PDE8A: variants seen among roughly 807,000 people sequenced by gnomAD.
PDE8A encodes high affinity cAMP-specific and IBMX-insensitive 3',5'-cyclic phosphodiesterase 8A.
PDE8A carries 59 observed loss-of-function variants against 105.0 expected under a neutral mutation model. The ratio of observed to expected loss-of-function variants is 0.56; its 90% confidence interval spans 0.46 to 0.70. PDE8A has a LOEUF of 0.70. Among genes scored for constraint, PDE8A ranks in the 30% least tolerant of loss-of-function variants. The pLI is 0.00. For missense variants in PDE8A, 1,014 were observed against 1,045.9 expected, an observed-to-expected ratio of 0.97 and a Z score of 0.42; for synonymous variants, 355 against 371.9, an observed-to-expected ratio of 0.95 and a Z score of 0.52.
At chr15:85,001,320 A>G (rs2080063758) in intron 1 of PDE8A, among the ~76,000 whole-genome samples, 1 of 152,212 alleles carries the variant, frequency 6.6e-6, no homozygotes, top group South Asian at 2.1e-4. Context: ...AAAAGATTTT[A>G]TGTCTGGAAA....
At chr15:85,015,224 A>G (rs937534500) in intron 1 of PDE8A, among the ~76,000 whole-genome samples, 1 of 147,232 alleles carries the variant, frequency 6.8e-6, no homozygotes, top group African/African-American at 2.5e-5. Context: ...CTACATTATT[A>G]TATGACCTTG....
chr15:85,070,807 G>A (rs1183742790), intron 3 of PDE8A, among the ~76,000 whole-genome samples: 2 of 152,324 alleles, frequency 1.3e-5, no homozygotes, highest in Middle Eastern at 3.4e-3. Flanking sequence ...TTCTGCGCAG[G>A]AAAGTGTTGA....
At chr15:85,098,890 G>A (rs115060533) in intron 9 of PDE8A, among the ~76,000 whole-genome samples, 1 of 151,928 alleles carries the variant, frequency 6.6e-6, no homozygotes, top group African/African-American at 2.4e-5. Context: ...TTGGGAGGTC[G>A]AGGCTGCAGT....
At chr15:85,119,237 GGGATA>G (rs2082142188) in intron 17 of PDE8A, among the ~76,000 whole-genome samples, 3 of 151,942 alleles carry the variant, frequency 2.0e-5, no homozygotes, top group East Asian at 3.9e-4. Flanking sequence ...CCAGTACTTT[GGGATA>G]CCAAGGCAGA....
intron 12 of PDE8A, among the ~76,000 whole-genome samples, chr15:85,111,057 C>T (rs886695964): frequency 1.3e-5 from 2 of 152,052 alleles, no homozygotes; most frequent in African/African-American, 2.4e-5. Context: ...AGGTCTTTTG[C>T]CCATTTTTAT....
At position 85,113,369 on chromosome 15, in the gene PDE8A, C is replaced by T. The variant is rs1170746558; in HGVS notation, c.1115-8C>T. 2 of 1,613,574 alleles carry T rather than the reference C, an allele frequency of 1.2e-6. No homozygotes were observed. Among genetic ancestry groups the T allele is most frequent in the East Asian group, 2.2e-5 (1 of 44,888 alleles). Reference sequence around the variant, plus strand: ...CATGCCCTGATTTGTGCATCCCTTTCTCCACAGTTTCCAGCCAGAGACGAC... The same window carrying T: ...CATGCCCTGATTTGTGCATCCCTTTTTCCACAGTTTCCAGCCAGAGACGAC... On this transcript the variant is annotated splice_region_variant and splice_polypyrimidine_tract_variant and intron_variant, in intron 12 of 21. Coordinates refer to ENST00000394553, the MANE Select transcript of PDE8A (RefSeq NM_002605.3).
chr15:85,100,073 A>G lies in PDE8A; in HGVS notation c.993+7A>G, dbSNP rs1275601820. ...GTGCAATGGCAACAATAAGGTACGT[A>G]AGGAGAGCCCCCCGGGGCCCCAGGA... On this transcript the variant is annotated splice_region_variant and intron_variant, in intron 10 of 21. Coordinates refer to ENST00000394553, the MANE Select transcript of PDE8A (RefSeq NM_002605.3). 2 of 1,613,590 alleles carry G rather than the reference A, an allele frequency of 1.2e-6. No individual in the cohort carries two copies. The highest frequency in any genetic ancestry group is 8.5e-7 in the Non-Finnish European group (1 of 1,179,666).
intron 20 of PDE8A, among the ~76,000 whole-genome samples, chr15:85,128,175 A>C (rs1025729791): frequency 1.3e-5 from 2 of 152,142 alleles, no homozygotes; most frequent in East Asian, 3.8e-4. Context: ...AATATCCTCA[A>C]TGACTTGAAA....
intron 7 of PDE8A, among the ~76,000 whole-genome samples, chr15:85,089,782 T>C (rs2081612151): frequency 6.6e-6 from 1 of 152,236 alleles, no homozygotes; most frequent in Non-Finnish European, 1.5e-5. Context: ...CAAGTACAAG[T>C]CTTTCACCTT....
At chr15:85,049,942 T>C (rs1231400147) in intron 1 of PDE8A, among the ~76,000 whole-genome samples, 1 of 152,216 alleles carries the variant, frequency 6.6e-6, no homozygotes, top group Non-Finnish European at 1.5e-5. Context: ...CATTTAATAT[T>C]TCCATCAACA....
chr15:85,117,112 A>T (rs1444612322), intron 16 of PDE8A, among the ~76,000 whole-genome samples: 1 of 152,212 alleles, frequency 6.6e-6, no homozygotes, highest in Non-Finnish European at 1.5e-5. Flanking sequence ...CTCAGGGGAA[A>T]TCCCCTCATA....
chr15:85,120,758 G>A, intron 17 of PDE8A, 39 bp from the exon 18 acceptor site: 1 of 1,324,452 alleles, frequency 7.6e-7, no homozygotes, highest in Non-Finnish European at 1.1e-6. Flanking sequence ...CTTGCCTTCA[G>A]TGTCATACCC....
intron 1 of PDE8A, among the ~76,000 whole-genome samples, chr15:85,021,421 T>C (rs1249379253): frequency 6.6e-6 from 1 of 152,016 alleles, no homozygotes; most frequent in East Asian, 1.9e-4. Flanking sequence ...CCTTTGCCCG[T>C]AGTCCTAGCT....
At chr15:85,040,427 C>T (rs577129859) in intron 1 of PDE8A, among the ~76,000 whole-genome samples, 2 of 151,226 alleles carry the variant, frequency 1.3e-5, no homozygotes, top group East Asian at 3.9e-4. Context: ...CTTAAGTCTC[C>T]TCTTTTTGTT....
At chr15:85,074,803 G>C (rs1432333008) in intron 3 of PDE8A, among the ~76,000 whole-genome samples, 1 of 152,232 alleles carries the variant, frequency 6.6e-6, no homozygotes, top group Non-Finnish European at 1.5e-5. Context: ...TGATTCAGAA[G>C]TGGCTCTATA....
At chr15:85,038,216 GGTGTGTGTGTGTGTGTGTGT>G (rs773765859) in intron 1 of PDE8A, among the ~76,000 whole-genome samples, 1 of 48,292 alleles carries the variant, frequency 2.1e-5, no homozygotes, top group Non-Finnish European at 4.4e-5. Context: ...CCAATTGGGG[GGTGTGTGTGTGTGTGTGTGT>G]GTGTGTGTGT....
At chr15:85,092,920 C>CTTT (rs5814181) in intron 8 of PDE8A, among the ~76,000 whole-genome samples, 11 of 132,048 alleles carry the variant, frequency 8.3e-5, no homozygotes, top group Non-Finnish European at 8.2e-5. Flanking sequence ...TACTGCTTTC[C>CTTT]TTTTTTTTTT....
chr15:85,019,824 C>G (rs1376237268), intron 1 of PDE8A, among the ~76,000 whole-genome samples: 1 of 152,090 alleles, frequency 6.6e-6, no homozygotes, highest in Non-Finnish European at 1.5e-5. Context: ...AAGTGATCTG[C>G]CCACCTTGGC....
chr15:85,094,946 A>G (rs1048507815), intron 8 of PDE8A, among the ~76,000 whole-genome samples: 1 of 152,184 alleles, frequency 6.6e-6, no homozygotes, highest in Non-Finnish European at 1.5e-5. Flanking sequence ...CCAGGATTCT[A>G]TAGTTGAACC....
Sources: allele counts gnomAD v4.1 joint callset (sites outside exome capture counted in the v4.1 genomes callset), GRCh38; gene constraint gnomAD v4.1.1; transcripts MANE v1.5; gene names NCBI Gene and HGNC (gene_info 2026-07-23, HGNC 2026-07-21).